Variants in LRRC4C observed in about 807,000 individuals in gnomAD.
LRRC4C encodes the protein leucine-rich repeat-containing protein 4C.
A neutral mutation model predicts 33.6 loss-of-function variants in LRRC4C; 5 were observed. The observed-to-expected ratio is 0.15, with a 90% CI of 0.08 to 0.31. LRRC4C has a LOEUF of 0.31. LRRC4C is among the 10% of genes least tolerant of loss of function. The pLI, the probability that LRRC4C is intolerant of heterozygous loss-of-function variation, is 1.00. For missense variants in LRRC4C, 560 were observed against 796.7 expected, an observed-to-expected ratio of 0.70 and a Z score of 3.58; for synonymous variants, 329 against 302.0, an observed-to-expected ratio of 1.09 and a Z score of -0.93.
chr11:40,307,522 A>T (rs117774043), intron 4 of LRRC4C, among the ~76,000 whole-genome samples: 2 of 152,170 alleles, frequency 1.3e-5, no homozygotes, highest in African/African-American at 4.8e-5. Context: ...CAACTGCATG[A>T]TATTTCTCCC....
chr11:41,172,963 G>T (rs947391022), intron 1 of LRRC4C, among the ~76,000 whole-genome samples: 1 of 151,896 alleles, frequency 6.6e-6, no homozygotes, highest in Non-Finnish European at 1.5e-5. Context: ...TTCCGAGATG[G>T]GTCCAGAAAC....
intron 3 of LRRC4C, among the ~76,000 whole-genome samples, chr11:40,618,813 G>T (rs1962140599): frequency 6.6e-6 from 1 of 151,764 alleles, no homozygotes; most frequent in Admixed American, 6.6e-5. Context: ...GACACTTCCG[G>T]TCTTTCAAGT....
At position 40,563,367 on chromosome 11, in the gene LRRC4C, G is replaced by A. The variant is rs1002459425; in HGVS notation, c.-270+84775C>T. On this transcript the variant is annotated intron_variant, in intron 3 of 6. Coordinates refer to ENST00000528697, the MANE Select transcript of LRRC4C (RefSeq NM_001258419.2). ...TGGTAACTTGGGGAAAAGCCTGGTG[G>A]AGATGAATGCCCTTGCCAGTGAGAT... 2.6e-5 allele frequency among the ~76,000 whole-genome samples: 4 copies of A among 152,076 alleles called. No homozygotes were observed. In the East Asian group the frequency reaches 7.7e-4, roughly 29 times the overall value.
chr11:40,607,980 G>C (rs918907247), intron 3 of LRRC4C, among the ~76,000 whole-genome samples: 2 of 152,066 alleles, frequency 1.3e-5, no homozygotes, highest in African/African-American at 4.8e-5. Flanking sequence ...CCTGTTGCAT[G>C]CCCTGCGAGG....
chr11:40,995,106 A>C (rs1400387442), intron 1 of LRRC4C, among the ~76,000 whole-genome samples: 1 of 152,148 alleles, frequency 6.6e-6, no homozygotes, highest in African/African-American at 2.4e-5. Flanking sequence ...TGTGTTTTTG[A>C]GAACTGAGTA....
At chr11:41,060,181 A>G (rs1387403755) in intron 1 of LRRC4C, among the ~76,000 whole-genome samples, 1 of 152,140 alleles carries the variant, frequency 6.6e-6, no homozygotes, top group African/African-American at 2.4e-5. Context: ...GATCTCTACA[A>G]TTCCATTTTC....
At chr11:41,330,782 T>G (rs117465931) in intron 1 of LRRC4C, among the ~76,000 whole-genome samples, 2,037 of 151,996 alleles carry the variant, frequency 0.013, 21 homozygotes, top group Middle Eastern at 0.024. Flanking sequence ...AAATACATAT[T>G]AATATATACT....
intron 2 of LRRC4C, among the ~76,000 whole-genome samples, chr11:40,649,239 A>T (rs1291318013): frequency 1.3e-5 from 2 of 152,288 alleles, no homozygotes; most frequent in East Asian, 3.9e-4. Flanking sequence ...GCAGGAGACC[A>T]GGGCGTATTT....
intron 2 of LRRC4C, among the ~76,000 whole-genome samples, chr11:40,877,357 G>T (rs1565160204): frequency 1.3e-5 from 2 of 152,002 alleles, no homozygotes; most frequent in Admixed American, 1.3e-4. Flanking sequence ...TGCCCACGAA[G>T]GTGCACATAA....
chr11:40,659,865 C>G (rs1173508426), intron 2 of LRRC4C, among the ~76,000 whole-genome samples: 3 of 152,182 alleles, frequency 2.0e-5, no homozygotes, highest in South Asian at 4.1e-4. Context: ...GTCCATGTAC[C>G]TCATTCTTTA....
At chr11:41,316,392 G>T (rs1352220301) in intron 1 of LRRC4C, among the ~76,000 whole-genome samples, 1 of 151,744 alleles carries the variant, frequency 6.6e-6, no homozygotes, top group Non-Finnish European at 1.5e-5. Context: ...TGAGAGCAAG[G>T]GCATTCACAT....
chr11:41,211,605 T>G (rs1177877844), intron 1 of LRRC4C, among the ~76,000 whole-genome samples: 1 of 152,196 alleles, frequency 6.6e-6, no homozygotes, highest in Non-Finnish European at 1.5e-5. Context: ...TTGTGATAGT[T>G]GGCTGAGAAT....
rs1050545632 is a variant in LRRC4C, at chr11:41,418,658, C to A, written c.-496+40773G>T. Among the ~76,000 whole-genome samples, 34 of 151,972 alleles carry A rather than the reference C, an allele frequency of 2.2e-4. 1 individual carries two copies. The highest frequency in any genetic ancestry group is 2.9e-5 in the Non-Finnish European group (2 of 67,936). ...AACTATCACAAACATATGATAATAACATGTGAAAAACATGAGCTCTGACAC... is the reference window on the plus strand; with the variant it reads ...AACTATCACAAACATATGATAATAAAATGTGAAAAACATGAGCTCTGACAC... On this transcript the variant is annotated intron_variant, in intron 1 of 6. Transcript: ENST00000528697.
chr11:41,281,084 T>TCTGTC (rs1949659917), intron 1 of LRRC4C, among the ~76,000 whole-genome samples: 3 of 95,626 alleles, frequency 3.1e-5, no homozygotes, highest in South Asian at 5.0e-4. Flanking sequence ...CTGTCCTCTC[T>TCTGTC]CTCTCTCTCT....
At chr11:40,739,959 T>C (rs1205827908) in intron 2 of LRRC4C, among the ~76,000 whole-genome samples, 1 of 151,820 alleles carries the variant, frequency 6.6e-6, no homozygotes, top group Non-Finnish European at 1.5e-5. Context: ...TATATATTTG[T>C]ATAATATATG....
intron 2 of LRRC4C, among the ~76,000 whole-genome samples, chr11:40,847,897 T>A (rs1953271191): frequency 1.3e-5 from 2 of 151,476 alleles, no homozygotes; most frequent in Non-Finnish European, 2.9e-5. Flanking sequence ...GGAGGGTGTA[T>A]GTGTCCAGGA....
chr11:40,176,523 T>C (rs1348212549), intron 5 of LRRC4C, among the ~76,000 whole-genome samples: 1 of 149,266 alleles, frequency 6.7e-6, no homozygotes, highest in Non-Finnish European at 1.5e-5. Context: ...ACTTTATGGA[T>C]TCTTTTTTTT....
intron 3 of LRRC4C, among the ~76,000 whole-genome samples, chr11:40,536,950 C>A (rs1956499909): frequency 6.6e-6 from 1 of 152,138 alleles, no homozygotes; most frequent in Non-Finnish European, 1.5e-5. Flanking sequence ...TTCATGGGAG[C>A]AGGAATTTTG....
chr11:40,726,663 A>T (rs1369300610), intron 2 of LRRC4C, among the ~76,000 whole-genome samples: 1 of 152,218 alleles, frequency 6.6e-6, no homozygotes, highest in African/African-American at 2.4e-5. Context: ...CTGAATGGGA[A>T]AAAGCTGGAA....
Sources: allele counts gnomAD v4.1 joint callset (sites outside exome capture counted in the v4.1 genomes callset), GRCh38; gene constraint gnomAD v4.1.1; transcripts MANE v1.5; gene names NCBI Gene and HGNC (gene_info 2026-07-23, HGNC 2026-07-21).